AKAP13: variants seen among roughly 807,000 people sequenced by gnomAD.
The protein encoded by AKAP13 is A-kinase anchor protein 13.
A neutral mutation model predicts 264.5 loss-of-function variants in AKAP13; 80 were observed. That is an observed-to-expected ratio of 0.30 (90% CI 0.25 to 0.36). The LOEUF (loss-of-function observed/expected upper bound fraction) is 0.36. AKAP13 is among the 10% of genes least tolerant of loss of function. The pLI is 1.00. For missense variants in AKAP13, 3,712 were observed against 3,435.2 expected (o/e 1.08, Z -2.01); for synonymous variants, 1,380 against 1,250.2 (o/e 1.10, Z -2.19).
Position 85,740,287 on chromosome 15 carries a change from C to T in AKAP13, c.7608+15C>T. The T allele has an allele frequency of 1.2e-6, 2 of 1,613,570 alleles. No individual in the cohort carries two copies. Among genetic ancestry groups the T allele is most frequent in the Non-Finnish European group, 1.7e-6 (2 of 1,179,606 alleles). ...GCGCTCTGCAGGTGCGTGCCTTCAT[C>T]TTCCATCCCTGCGTTTATTTGTCTA... is the stretch of plus-strand genomic sequence containing the variant. On this transcript the variant is annotated intron_variant, in intron 34 of 36. Transcript: ENST00000394518.
chr15:85,618,886 C>G (rs1040154739), intron 8 of AKAP13, among the ~76,000 whole-genome samples: 1 of 152,146 alleles, frequency 6.6e-6, no homozygotes, highest in Non-Finnish European at 1.5e-5. Flanking sequence ...CTTTATCAGA[C>G]ACATTTATAG....
chr15:85,419,591 G>A (rs1230149371), intron 1 of AKAP13, among the ~76,000 whole-genome samples: 1 of 152,170 alleles, frequency 6.6e-6, no homozygotes, highest in East Asian at 1.9e-4. Flanking sequence ...TGAGGAGGGA[G>A]AATAAAAAAT....
At chr15:85,689,330 T>A (rs1303937525) in intron 16 of AKAP13, among the ~76,000 whole-genome samples, 1 of 152,248 alleles carries the variant, frequency 6.6e-6, no homozygotes, top group African/African-American at 2.4e-5. Context: ...TCTCATTCCT[T>A]CTTTGATTAA....
intron 30 of AKAP13, among the ~76,000 whole-genome samples, chr15:85,734,370 T>C (rs1408785358): frequency 6.6e-6 from 1 of 152,224 alleles, no homozygotes; most frequent in African/African-American, 2.4e-5. Context: ...TCGTCTATCA[T>C]TTTTGTGTAG....
chr15:85,648,006 A>T (rs1476266637), intron 10 of AKAP13, among the ~76,000 whole-genome samples: 1 of 148,146 alleles, frequency 6.8e-6, no homozygotes, highest in Non-Finnish European at 1.5e-5. Context: ...AAGAGAAATC[A>T]ATAGTTTTAT....
intron 1 of AKAP13, among the ~76,000 whole-genome samples, chr15:85,440,555 T>C (rs1470951734): frequency 6.6e-6 from 1 of 152,092 alleles, no homozygotes; most frequent in Non-Finnish European, 1.5e-5. Flanking sequence ...TATTCATCAG[T>C]AAAAAATGTT....
intron 1 of AKAP13, among the ~76,000 whole-genome samples, chr15:85,426,118 A>T (rs1172852226): frequency 6.6e-6 from 1 of 152,222 alleles, no homozygotes; most frequent in Non-Finnish European, 1.5e-5. Flanking sequence ...TCATTCTATA[A>T]TATCCAGTTT....
chr15:85,447,931 T>G (rs931751597), intron 1 of AKAP13, among the ~76,000 whole-genome samples: 5 of 152,214 alleles, frequency 3.3e-5, no homozygotes, highest in African/African-American at 1.2e-4. Flanking sequence ...CTTTTAGCTC[T>G]TTGAGGAATC....
intron 16 of AKAP13, among the ~76,000 whole-genome samples, chr15:85,692,755 T>C (rs1205946737): frequency 6.6e-6 from 1 of 152,236 alleles, no homozygotes; most frequent in African/African-American, 2.4e-5. Flanking sequence ...GAGGAGACTT[T>C]ATACATACTC....
At chr15:85,562,574 A>AAAAAAATATATATATATATAT (rs1351834745) in intron 5 of AKAP13, among the ~76,000 whole-genome samples, 1 of 77,670 alleles carries the variant, frequency 1.3e-5, no homozygotes, top group African/African-American at 4.0e-5. Flanking sequence ...CAAAAAAAAA[A>AAAAAAATATATATATATATAT]ATATATATAT....
chr15:85,398,004 G>A (rs573130765), intron 1 of AKAP13, among the ~76,000 whole-genome samples: 1 of 152,256 alleles, frequency 6.6e-6, no homozygotes, highest in South Asian at 2.1e-4. Flanking sequence ...TTATGGATGA[G>A]GAGACAGAGG....
chr15:85,396,993 G>A (rs150404762), intron 1 of AKAP13, among the ~76,000 whole-genome samples: 8 of 144,834 alleles, frequency 5.5e-5, no homozygotes, highest in East Asian at 2.0e-4. Context: ...TTGTTTTCAC[G>A]TCAGTAGTCT....
chr15:85,629,823 A>T (rs1277485677), intron 8 of AKAP13, among the ~76,000 whole-genome samples: 1 of 111,474 alleles, frequency 9.0e-6, no homozygotes, highest in Non-Finnish European at 1.7e-5. Flanking sequence ...TGTGTCACCC[A>T]GGCTGGAGTG....
intron 2 of AKAP13, among the ~76,000 whole-genome samples, chr15:85,498,577 C>G (rs1270142935): frequency 2.5e-5 from 1 of 40,338 alleles, no homozygotes; most frequent in Non-Finnish European, 5.5e-5. Flanking sequence ...TATCAGCTCC[C>G]CAGGTTGATA....
intron 8 of AKAP13, among the ~76,000 whole-genome samples, chr15:85,603,179 T>A (rs2080168714): frequency 6.6e-6 from 1 of 152,230 alleles, no homozygotes. Context: ...GCAGTTTAGC[T>A]CACAACATAA....
chr15:85,635,053 T>C (rs776684457), intron 8 of AKAP13: 34 of 398,114 alleles, frequency 8.5e-5, no homozygotes, highest in Admixed American at 7.0e-4. Context: ...AGTCTTTGTG[T>C]GACAGTAGGT....
intron 2 of AKAP13, among the ~76,000 whole-genome samples, chr15:85,509,545 C>T (rs1043491308): frequency 1.3e-5 from 2 of 152,264 alleles, no homozygotes; most frequent in East Asian, 1.9e-4. Flanking sequence ...CATATATTTA[C>T]GTTCTCATCC....
rs778743261 is a variant in AKAP13 at position 85,744,674 on chromosome 15, C to T, written c.8439C>T (p.Cys2813=). 5.6e-6 allele frequency: 9 copies of T among 1,607,882 alleles called. No individual in the cohort carries two copies. Among genetic ancestry groups the T allele is most frequent in the Non-Finnish European group, 7.6e-6 (9 of 1,177,350 alleles). Residue 2813 remains cysteine, a synonymous_variant, in exon 37 of 37, where the codon TGC becomes TGT. Coordinates refer to ENST00000394518, the MANE Select transcript of AKAP13 (RefSeq NM_007200.5). ...CAGCAGAGGGTGAAGAGATCTTCTG[C>T]TGACCCTCTTCCTCTCTGCTGAGGC... ...EVSAEGEEIF[C]
At chr15:85,494,918 T>C (rs1348971013) in intron 2 of AKAP13, among the ~76,000 whole-genome samples, 4 of 152,132 alleles carry the variant, frequency 2.6e-5, no homozygotes, top group Non-Finnish European at 4.4e-5. Context: ...TTCAAAAAGA[T>C]AGCATTGTGC....
Sources: gnomAD v4.1 joint callset for allele counts (sites outside exome capture counted in the v4.1 genomes callset) on GRCh38, gnomAD v4.1.1 for gene constraint, MANE v1.5 for transcripts, NCBI Gene and HGNC (gene_info 2026-07-23, HGNC 2026-07-21) for gene names.